Variants in POLE3 observed in about 807,000 individuals in gnomAD.
POLE3 encodes DNA polymerase epsilon subunit 3.
POLE3 carries 10 observed loss-of-function variants against 16.1 expected under a neutral mutation model. The ratio of observed to expected loss-of-function variants is 0.62; its 90% CI spans 0.38 to 1.05. The LOEUF is 1.05. Ranked by LOEUF, POLE3 falls within the 50% of genes least tolerant of loss-of-function variation. The pLI, the probability that POLE3 is intolerant of heterozygous loss-of-function variation, is 0.01. For missense variants in POLE3, 169 were observed against 185.0 expected (o/e 0.91, Z 0.50); for synonymous variants, 83 against 71.0 (o/e 1.17, Z -0.85).
At chr9:113,409,799 G>T in intron 3 of POLE3, 71 bp from the exon 4 acceptor site, 1 of 1,038,406 alleles carries the variant, frequency 9.6e-7, no homozygotes, top group Non-Finnish European at 1.5e-6. Flanking sequence ...AGCACCCAGA[G>T]GTGGAACGGG....
chr9:113,408,738 A>G lies in POLE3; in HGVS notation c.*73T>C, dbSNP rs574349912. The G allele has an allele frequency of 3.1e-6, 4 of 1,279,482 alleles. No individual in the cohort carries two copies. In the East Asian group the frequency reaches 9.3e-5, roughly 30 times the overall value. The allele number at this position is 1,279,482 out of a possible 1,614,324, so 79.3% of individuals were successfully genotyped here. A position where few individuals can be genotyped will look rare whatever the true frequency, so the allele number is the denominator to read the frequency against. ...TGAGACTACTCTGCCCAGCATGGAAAAGCTTCACAGAAACACGTAGCACGT... is the reference window on the plus strand; with the variant it reads ...TGAGACTACTCTGCCCAGCATGGAAGAGCTTCACAGAAACACGTAGCACGT... On this transcript the variant is annotated 3_prime_UTR_variant, in exon 5 of 5. Transcript: ENST00000374171.
In POLE3 at chr9:113,410,147, G is replaced by C; in HGVS notation, c.67-7C>G. The C allele has an allele frequency of 6.2e-7, 1 of 1,602,208 alleles. No individual in the cohort carries two copies. The highest frequency in any genetic ancestry group is 8.5e-7 in the Non-Finnish European group (1 of 1,174,842). ...TGTTGACACCGTCCGGGAGCTGCGA[G>C]GAGACCGGGGGTGAGCAAAGCTGCC... is the stretch of plus-strand genomic sequence containing the variant. On this transcript the variant is annotated splice_polypyrimidine_tract_variant and splice_region_variant and intron_variant, in intron 2 of 4. Coordinates refer to ENST00000374171, the MANE Select transcript of POLE3 (RefSeq NM_017443.5).
chr9:113,409,090 G>A (rs1376903856), intron 4 of POLE3, 107 bp from the exon 5 acceptor site: 6 of 978,288 alleles, frequency 6.1e-6, no homozygotes, highest in African/African-American at 1.6e-5. Context: ...AGATGGGCGC[G>A]GTGGCTCACG....
In POLE3 at chr9:113,408,286, G is replaced by A. The variant is rs1827979583; in HGVS notation, c.*525C>T. On this transcript the variant is annotated 3_prime_UTR_variant, in exon 5 of 5. Transcript: ENST00000374171. ...CAAGTGAAGAGAGAGAACGGATTTT[G>A]TTATTCTCCCACAGCATTTTAGTAG... 6.6e-6 allele frequency: 1 copy of A among 152,318 alleles called. No individual in the cohort carries two copies. Among genetic ancestry groups the A allele is most frequent in the Non-Finnish European group, 1.5e-5 (1 of 68,122 alleles). The allele number at this position is 152,318 out of a possible 1,614,324, so 9.4% of individuals were successfully genotyped here.
Position 113,408,908 on chromosome 9 carries a change from G to C in POLE3, c.347C>G (p.Ser116Trp), listed in dbSNP as rs772266841. ...ATCCCTGCTCTTGTCTTGCTCTTCC[G>C]AGTCTGTTTTTTTGTCTTTGTCCTT... Reference protein sequence around the residue: ...KKKDKDKKTDSEEQDKSRDED... With the variant: ...KKKDKDKKTDWEEQDKSRDED... Residue 116 changes from serine to tryptophan, a missense_variant, in exon 5 of 5, where the codon TCG (serine) becomes TGG (tryptophan). Coordinates refer to ENST00000374171, the MANE Select transcript of POLE3 (RefSeq NM_017443.5). 1 of 1,612,502 alleles carries C rather than the reference G, an allele frequency of 6.2e-7. No individual in the cohort carries two copies.
At chr9:113,410,563 T>G in intron 1 of POLE3, 54 bp downstream of exon 1, 1 of 550,238 alleles carries the variant, frequency 1.8e-6, no homozygotes, top group Non-Finnish European at 3.3e-6. Context: ...CGCACGCCCC[T>G]CCCCAGGTCC....
rs999491218 is a variant in POLE3 at position 113,408,540 on chromosome 9, C to T, written c.*271G>A. 2.3e-5 allele frequency: 6 copies of T among 257,944 alleles called. No homozygotes were observed. The highest frequency in any genetic ancestry group is 8.9e-5 in the African/African-American group (4 of 45,152). 16.0% of individuals were successfully genotyped at this position (257,944 alleles called of 1,614,324 possible). A position where few individuals can be genotyped will look rare whatever the true frequency, so the allele number is the denominator to read the frequency against. On this transcript the variant is annotated 3_prime_UTR_variant, in exon 5 of 5. Transcript: ENST00000374171. ...AACCATACATTTAAGTAAACAAAAG[C>T]GAGCAAACTGACTAATTTAGTCGTT...
At chr9:113,409,144 CTGAGG>C (rs1828007325) in intron 4 of POLE3, among the ~76,000 whole-genome samples, 161 bp from the exon 5 acceptor site, 2 of 151,904 alleles carry the variant, frequency 1.3e-5, no homozygotes. Flanking sequence ...GGCGGATCAC[CTGAGG>C]TCAGGAGTTC....
chr9:113,409,656 C>T lies in POLE3; in HGVS notation c.225G>A (p.Glu75=), dbSNP rs1828036454. Residue 75 remains glutamate (E), a synonymous_variant, in exon 4 of 5, where the codon GAG becomes GAA. Transcript: ENST00000374171. ...NASDVLSAME[E]MEFQRFVTPL... ...GGGTAACGAACCGCTGGAACTCCAT[C>T]TCTTCCATGGCTGAGAGCACATCAC... 6.2e-7 allele frequency: 1 copy of T among 1,613,632 alleles called. No homozygotes were observed. The highest frequency in any genetic ancestry group is 1.7e-5 in the Admixed American group (1 of 60,004).
At position 113,410,319 on chromosome 9, in the gene POLE3, C is replaced by T; in HGVS notation, c.-26G>A. 6.2e-7 allele frequency: 1 copy of T among 1,607,092 alleles called. No homozygotes were observed. Among genetic ancestry groups the T allele is most frequent in the Non-Finnish European group, 8.5e-7 (1 of 1,176,408 alleles). On this transcript the variant is annotated 5_prime_UTR_variant, in exon 2 of 5. Transcript: ENST00000374171. ...TGCCGCCGCTGGGGCTTAAACTCCC[C>T]TTCGCCTCCGCTTCAGGGAGCTACT...
chr9:113,410,390 C>G lies in POLE3; in HGVS notation c.-97G>C. ...GCTACGGTCTGACCCTGCGAGGTTT[C>G]CGTTCCGCCCCACGTGGCCTACAGT... On this transcript the variant is annotated 5_prime_UTR_variant, in exon 2 of 5. Transcript: ENST00000374171. The G allele has an allele frequency of 8.7e-7, 1 of 1,144,288 alleles. No individual in the cohort carries two copies. Among genetic ancestry groups the G allele is most frequent in the Non-Finnish European group, 1.3e-6 (1 of 784,992 alleles). The allele number at this position is 1,144,288 out of a possible 1,614,324, so 70.9% of individuals were successfully genotyped here.
At position 113,408,946 on chromosome 9, in the gene POLE3, T is replaced by G. The variant is rs200826911; in HGVS notation, c.309A>C (p.Ser103=). ...RREQKGKKEA[S]EQKKKDKDKK... ...TGTCTTTGTCCTTCTTCTTTTGCTCTGAGGCCTCCTTCTTGCCTTTCTGCT... is the reference window on the plus strand; with the variant it reads ...TGTCTTTGTCCTTCTTCTTTTGCTCGGAGGCCTCCTTCTTGCCTTTCTGCT... The change falls in exon 5 of 5, where the codon TCA becomes TCC. Residue 103 remains serine (S), a synonymous_variant. Coordinates refer to ENST00000374171, the MANE Select transcript of POLE3 (RefSeq NM_017443.5). 104 of 1,613,876 alleles carry G rather than the reference T, an allele frequency of 6.4e-5. No individual in the cohort carries two copies. The highest frequency in any genetic ancestry group is 7.8e-5 in the Non-Finnish European group (92 of 1,179,962).
chr9:113,410,351 G>T lies in POLE3; in HGVS notation c.-58C>A. Reference sequence around the variant, plus strand: ...TCCGCTTCAGGGAGCTACTGCGTCCGGACTTCCCGCGTCGCTACGGTCTGA... The same window carrying T: ...TCCGCTTCAGGGAGCTACTGCGTCCTGACTTCCCGCGTCGCTACGGTCTGA... On this transcript the variant is annotated 5_prime_UTR_variant, in exon 2 of 5. Coordinates refer to ENST00000374171, the MANE Select transcript of POLE3 (RefSeq NM_017443.5). 1 of 1,519,178 alleles carries T rather than the reference G, an allele frequency of 6.6e-7. No homozygotes were observed. 94.1% of individuals were successfully genotyped at this position (1,519,178 alleles called of 1,614,324 possible). A position where few individuals can be genotyped will look rare whatever the true frequency, so the allele number is the denominator to read the frequency against.
In POLE3 at chr9:113,410,108, G is replaced by A. The variant is rs1351053522; in HGVS notation, c.99C>T (p.Ala33=). The A allele has an allele frequency of 3.1e-6, 5 of 1,590,752 alleles. No homozygotes were observed. The South Asian group carries it at 5.7e-5, about 18-fold the overall frequency. The change falls in exon 3 of 5, where the codon GCC becomes GCT. Residue 33 remains alanine (A), a synonymous_variant. Transcript: ENST00000374171. ...TGGCGGCGCGGGAGATGGCGCTCCG[G>A]GCCTCCTTGGAGATGTTGACACCGT... The part of the protein sequence containing the change: ...LPDGVNISKE[A]RSAISRAASV...
intron 4 of POLE3, 68 bp downstream of exon 4, chr9:113,409,542 G>A (rs1828030187): frequency 6.4e-6 from 6 of 940,924 alleles, no homozygotes. Flanking sequence ...AGAAGGCTCA[G>A]GGCCTGGTGA....
In POLE3 at chr9:113,409,521, G is replaced by A. The variant is rs1828028981; in HGVS notation, c.271+89C>T. ...AGTGCTGGCTTACTGGACTTAAAGG[G>A]ACCCGCGCTGAGAAGGCTCAGGGCC... On this transcript the variant is annotated intron_variant, in intron 4 of 4. Coordinates refer to ENST00000374171, the MANE Select transcript of POLE3 (RefSeq NM_017443.5). The A allele has an allele frequency of 2.7e-5, 21 of 783,056 alleles. No homozygotes were observed. In the South Asian group the frequency reaches 2.9e-4, roughly 11 times the overall value. The allele number at this position is 783,056 out of a possible 1,614,324, so 48.5% of individuals were successfully genotyped here.
At chr9:113,410,472 G>A (rs943411597) in intron 1 of POLE3, 64 bp from the exon 2 acceptor site, 3 of 616,764 alleles carry the variant, frequency 4.9e-6, no homozygotes, top group African/African-American at 3.7e-5. Context: ...CCCCGCCTCC[G>A]CCTCAAATAC....
intron 2 of POLE3, 43 bp downstream of exon 2, chr9:113,410,185 G>T (rs751447090): frequency 6.2e-7 from 1 of 1,609,716 alleles, no homozygotes; most frequent in South Asian, 1.1e-5. Context: ...TCCAGCACCT[G>T]CTTCCCTCCT....
rs1827977156 is a variant in POLE3, at chr9:113,408,109, C to T, written c.*702G>A. The T allele has an allele frequency of 6.6e-6, 1 of 152,366 alleles. No individual in the cohort carries two copies. Among genetic ancestry groups the T allele is most frequent in the Admixed American group, 6.5e-5 (1 of 15,288 alleles). The allele number at this position is 152,366 out of a possible 1,614,324, so 9.4% of individuals were successfully genotyped here. On this transcript the variant is annotated 3_prime_UTR_variant, in exon 5 of 5. Coordinates refer to ENST00000374171, the MANE Select transcript of POLE3 (RefSeq NM_017443.5). The stretch of plus-strand genomic sequence containing the variant: ...TCTGTTTTTGTAAAAGACACTGGCA[C>T]CATGTTTGACTAATACCATTCCACA...
Sources: gnomAD v4.1 joint callset for allele counts (sites outside exome capture counted in the v4.1 genomes callset) on GRCh38, gnomAD v4.1.1 for gene constraint, MANE v1.5 for transcripts, NCBI Gene and HGNC (gene_info 2026-07-23, HGNC 2026-07-21) for gene names.